Variants in FOXP2 observed in about 807,000 individuals in gnomAD.
FOXP2 encodes forkhead box P2.
A neutral mutation model predicts 115.8 loss-of-function variants in FOXP2; 12 were observed. The observed-to-expected ratio is 0.10, with a 90% CI of 0.07 to 0.17. FOXP2 has a LOEUF of 0.17. Among genes scored for constraint, FOXP2 ranks in the 10% least tolerant of loss-of-function variants. FOXP2 has a pLI of 1.00. For synonymous variants in FOXP2, 328 were observed against 297.7 expected (o/e 1.10, Z -1.05); for missense variants, 629 against 843.5 (o/e 0.75, Z 3.15).
intron 10 of FOXP2, among the ~76,000 whole-genome samples, chr7:114,657,722 T>C (rs932774600): frequency 6.6e-6 from 1 of 152,184 alleles, no homozygotes; most frequent in African/African-American, 2.4e-5. Flanking sequence ...GCTGTTGTTG[T>C]TGCTTCACTG....
At chr7:114,176,739 C>T (rs1290980466) in intron 1 of FOXP2, among the ~76,000 whole-genome samples, 1 of 149,180 alleles carries the variant, frequency 6.7e-6, no homozygotes, top group East Asian at 2.0e-4. Flanking sequence ...ATCATAAATG[C>T]ACATCTTGAA....
chr7:114,389,745 C>T (rs562769986), intron 2 of FOXP2, among the ~76,000 whole-genome samples: 15 of 152,090 alleles, frequency 9.9e-5, no homozygotes, highest in East Asian at 3.9e-4. Flanking sequence ...CAAGTTTGGC[C>T]GGGCGCAGTG....
At chr7:114,235,361 T>G (rs1794984040) in intron 1 of FOXP2, among the ~76,000 whole-genome samples, 1 of 152,178 alleles carries the variant, frequency 6.6e-6, no homozygotes, top group Non-Finnish European at 1.5e-5. Context: ...AATTTGTATT[T>G]TAACTTTTTT....
At chr7:114,149,848 A>G (rs2129148683) in intron 1 of FOXP2, among the ~76,000 whole-genome samples, 1 of 152,194 alleles carries the variant, frequency 6.6e-6, no homozygotes, top group Admixed American at 6.6e-5. Flanking sequence ...TTCTTGAAAT[A>G]CTAAGGACAT....
At chr7:114,195,827 G>A (rs1332697849) in intron 1 of FOXP2, among the ~76,000 whole-genome samples, 1 of 151,998 alleles carries the variant, frequency 6.6e-6, no homozygotes, top group African/African-American at 2.4e-5. Context: ...ACTATTTTGT[G>A]ACAACTAATG....
chr7:114,418,206 A>G (rs1793438107), intron 1 of FOXP2, among the ~76,000 whole-genome samples: 1 of 151,948 alleles, frequency 6.6e-6, no homozygotes, highest in African/African-American at 2.4e-5. Flanking sequence ...TTGGTTACAT[A>G]AATCTTGTCT....
chr7:114,670,506 C>T (rs990090993), intron 16 of FOXP2, among the ~76,000 whole-genome samples: 1 of 151,964 alleles, frequency 6.6e-6, no homozygotes, highest in African/African-American at 2.4e-5. Flanking sequence ...TAAATCATTT[C>T]AATATTATAC....
intron 1 of FOXP2, among the ~76,000 whole-genome samples, chr7:114,253,471 T>C (rs1795510740): frequency 6.6e-6 from 1 of 152,334 alleles, no homozygotes; most frequent in South Asian, 2.1e-4. Context: ...TGAATCTTGG[T>C]GCTCCTGTAT....
chr7:114,124,853 G>A (rs570862597), intron 1 of FOXP2, among the ~76,000 whole-genome samples: 1 of 151,934 alleles, frequency 6.6e-6, no homozygotes, highest in Admixed American at 6.6e-5. Flanking sequence ...TGTGCTGAAT[G>A]TGTGTAAGAC....
intron 1 of FOXP2, among the ~76,000 whole-genome samples, chr7:114,214,834 A>G (rs1369022965): frequency 2.0e-5 from 3 of 152,182 alleles, no homozygotes; most frequent in African/African-American, 7.2e-5. Flanking sequence ...CTCTCACATC[A>G]GTGGGGAAAA....
At chr7:114,150,542 C>G (rs1792503335) in intron 1 of FOXP2, among the ~76,000 whole-genome samples, 1 of 151,960 alleles carries the variant, frequency 6.6e-6, no homozygotes, top group Non-Finnish European at 1.5e-5. Flanking sequence ...CCTGATAGTA[C>G]ATACAGTGCT....
chr7:114,267,405 G>T (rs1795920091), intron 1 of FOXP2, among the ~76,000 whole-genome samples: 1 of 152,006 alleles, frequency 6.6e-6, no homozygotes, highest in South Asian at 2.1e-4. Context: ...GCTCTTACAT[G>T]AATATGTTAA....
At position 114,288,675 on chromosome 7, in the gene FOXP2, T is replaced by C. The variant is rs559414164; in HGVS notation, c.-11+566T>C. Among the ~76,000 whole-genome samples, 8 of 151,900 alleles carry C rather than the reference T, an allele frequency of 5.3e-5. No individual in the cohort carries two copies. The East Asian group carries it at 1.5e-3, about 29-fold the overall frequency. The stretch of plus-strand genomic sequence containing the variant: ...TGAGTATCTTTAAATCTCATGATAG[T>C]TTTCTTTGATATGTACAATGTTAAC... On this transcript the variant is annotated intron_variant, in intron 2 of 17. Coordinates refer to the FOXP2 transcript ENST00000634411.
intron 1 of FOXP2, among the ~76,000 whole-genome samples, chr7:114,130,279 C>T (rs367951060): frequency 6.6e-5 from 10 of 152,106 alleles, no homozygotes; most frequent in African/African-American, 2.2e-4. Context: ...GCAGAGATCC[C>T]GCCACTGCAC....
At chr7:114,482,472 C>A (rs532524761) in intron 2 of FOXP2, among the ~76,000 whole-genome samples, 1 of 151,514 alleles carries the variant, frequency 6.6e-6, no homozygotes, top group East Asian at 1.9e-4. Context: ...ATTAAAACTG[C>A]ATATTATTTT....
At chr7:114,206,815 T>G (rs1469340115) in intron 1 of FOXP2, among the ~76,000 whole-genome samples, 2 of 152,248 alleles carry the variant, frequency 1.3e-5, no homozygotes, top group African/African-American at 4.8e-5. Context: ...TAAAACATAA[T>G]TCACTTAGCA....
chr7:114,102,614 T>G (rs1170797283), intron 1 of FOXP2, among the ~76,000 whole-genome samples: 1 of 151,342 alleles, frequency 6.6e-6, no homozygotes. Flanking sequence ...AAACCCATTC[T>G]TACCTCACCA....
intron 2 of FOXP2, among the ~76,000 whole-genome samples, chr7:114,470,112 AAAAATGTTAG>A (rs1452633855): frequency 6.6e-6 from 1 of 152,202 alleles, no homozygotes; most frequent in African/African-American, 2.4e-5. Flanking sequence ...AGTGACTTTT[AAAAATGTTAG>A]AAACAACCTA....
intron 1 of FOXP2, among the ~76,000 whole-genome samples, chr7:114,187,910 G>C (rs1026743545): frequency 6.6e-6 from 1 of 152,028 alleles, no homozygotes; most frequent in Non-Finnish European, 1.5e-5. Flanking sequence ...CGAAAGAGGG[G>C]GCTAAACTCA....
Sources: gnomAD v4.1 joint callset for allele counts (sites outside exome capture counted in the v4.1 genomes callset) on GRCh38, gnomAD v4.1.1 for gene constraint, MANE v1.5 for transcripts, NCBI Gene and HGNC (gene_info 2026-07-23, HGNC 2026-07-21) for gene names.